Variants in MTA3 observed in about 807,000 individuals in gnomAD.
MTA3 encodes the protein metastasis-associated protein MTA3.
In MTA3, 34 loss-of-function variants were observed where a neutral mutation model predicts 83.5. The ratio of observed to expected loss-of-function variants is 0.41; its 90% confidence interval spans 0.31 to 0.54. MTA3 has a LOEUF of 0.54. Among genes scored for constraint, MTA3 ranks in the 20% least tolerant of loss-of-function variants. The pLI, the probability that MTA3 is intolerant of heterozygous loss-of-function variation, is 0.33. For synonymous variants in MTA3, 303 were observed against 252.7 expected, an observed-to-expected ratio of 1.20 and a Z score of -1.89; for missense variants, 761 against 726.4, an observed-to-expected ratio of 1.05 and a Z score of -0.55.
chr2:42,557,411 C>A (rs1474541341), intron 2 of MTA3, among the ~76,000 whole-genome samples: 1 of 152,070 alleles, frequency 6.6e-6, no homozygotes, highest in Non-Finnish European at 1.5e-5. Flanking sequence ...TACATTATGT[C>A]TCCTCTTACA....
At chr2:42,494,887 G>C (rs1007135133) in exon 1 of MTA3, 1 of 152,272 alleles carries the variant, frequency 6.6e-6, no homozygotes, top group African/African-American at 2.4e-5. Flanking sequence ...GATCTACCCC[G>C]CGCTCTTGTC....
At chr2:42,567,021 G>C (rs1359395805), upstream of MTA3, among the ~76,000 whole-genome samples, 1 of 152,184 alleles carries the variant, frequency 6.6e-6, no homozygotes, top group Non-Finnish European at 1.5e-5. Context: ...AATGTTGAAT[G>C]ACAGCTATGC....
At chr2:42,644,903 T>G (rs1401545544) in intron 6 of MTA3, among the ~76,000 whole-genome samples, 1 of 152,092 alleles carries the variant, frequency 6.6e-6, no homozygotes, top group African/African-American at 2.4e-5. Context: ...TCTCCCTATT[T>G]TATGAGACAC....
intron 3 of MTA3, among the ~76,000 whole-genome samples, chr2:42,580,786 G>A (rs1257316216): frequency 6.6e-6 from 1 of 152,150 alleles, no homozygotes; most frequent in African/African-American, 2.4e-5. Flanking sequence ...AGTAGAGACA[G>A]GGTTTCACCA....
intron 4 of MTA3, among the ~76,000 whole-genome samples, chr2:42,614,380 A>G (rs1454868716): frequency 6.6e-6 from 1 of 152,226 alleles, no homozygotes; most frequent in Non-Finnish European, 1.5e-5. Flanking sequence ...TACAGGCGTG[A>G]GCCACTGCGC....
chr2:42,540,307 A>T (rs1414742284), intron 2 of MTA3, among the ~76,000 whole-genome samples: 1 of 150,560 alleles, frequency 6.6e-6, no homozygotes, highest in African/African-American at 2.4e-5. Context: ...CTGAGTAGGT[A>T]GAACTACAGG....
chr2:42,497,979 C>T (rs1054704963), intron 2 of MTA3, among the ~76,000 whole-genome samples: 1 of 152,184 alleles, frequency 6.6e-6, no homozygotes, highest in Non-Finnish European at 1.5e-5. Flanking sequence ...GACCCTTTTA[C>T]TGCTGACTCT....
chr2:42,524,615 C>T (rs181245281), intron 2 of MTA3, among the ~76,000 whole-genome samples: 10 of 151,560 alleles, frequency 6.6e-5, no homozygotes, highest in East Asian at 5.8e-4. Context: ...TGAGCCACCG[C>T]GCCCCGCCAG....
At chr2:42,690,721 C>T (rs1424771490) in intron 9 of MTA3, among the ~76,000 whole-genome samples, 1 of 144,514 alleles carries the variant, frequency 6.9e-6, no homozygotes, top group Non-Finnish European at 1.5e-5. Context: ...TATCACCAGG[C>T]TGGAGTGCAG....
At position 42,541,173 on chromosome 2, in the gene MTA3, A is replaced by G. The variant is rs1166208130; in HGVS notation, c.-140-29264A>G. 4.6e-5 allele frequency among the ~76,000 whole-genome samples: 7 copies of G among 152,096 alleles called. No individual in the cohort carries two copies. The East Asian group carries it at 1.2e-3, about 25-fold the overall frequency. ...CAGCCTTTCTAGTAGCTGGGATTAC[A>G]GGCATGCACCACCATGCCCGGCTAA... On this transcript the variant is annotated intron_variant, in intron 2 of 17. Coordinates refer to the MTA3 transcript ENST00000405592.
intron 4 of MTA3, among the ~76,000 whole-genome samples, chr2:42,613,319 T>C (rs1558500660): frequency 6.6e-6 from 1 of 152,196 alleles, no homozygotes; most frequent in African/African-American, 2.4e-5. Flanking sequence ...ACATAGACAT[T>C]TGGGGCTTTT....
At chr2:42,672,995 C>T (rs573885743) in intron 8 of MTA3, among the ~76,000 whole-genome samples, 37 of 151,764 alleles carry the variant, frequency 2.4e-4, no homozygotes, top group South Asian at 4.2e-4. Context: ...TACAGGTGCG[C>T]GCCATCATGT....
intron 2 of MTA3, among the ~76,000 whole-genome samples, chr2:42,515,782 G>C (rs942462052): frequency 9.3e-5 from 14 of 151,180 alleles, no homozygotes; most frequent in African/African-American, 3.4e-4. Context: ...TTACAGGCGT[G>C]AACCACCGTG....
Position 42,697,942 on chromosome 2 carries a change from C to T in MTA3, c.1025+108C>T, listed in dbSNP as rs906619480. ...AAAATTTGAACTTTTGTGTATCTTT[C>T]TTCTTCTACAAAGCATGAGACTTAC... On this transcript the variant is annotated intron_variant, in intron 11 of 16. Transcript: ENST00000405094. The T allele has an allele frequency of 4.6e-5, 20 of 434,396 alleles. No homozygotes were observed. The South Asian group carries it at 8.9e-4, about 19-fold the overall frequency. 26.9% of individuals were successfully genotyped at this position (434,396 alleles called of 1,614,324 possible). A position where few individuals can be genotyped will look rare whatever the true frequency, so the allele number is the denominator to read the frequency against.
In MTA3 at chr2:42,756,140, C is replaced by A; in HGVS notation, c.*2741C>A. 2.0e-6 allele frequency: 1 copy of A among 500,858 alleles called. No homozygotes were observed. The highest frequency in any genetic ancestry group is 2.6e-6 in the Non-Finnish European group (1 of 386,682). 31.0% of individuals were successfully genotyped at this position (500,858 alleles called of 1,614,324 possible). On this transcript the variant is annotated 3_prime_UTR_variant, in exon 17 of 17. Coordinates refer to ENST00000405094, the MANE Select transcript of MTA3 (RefSeq NM_001330442.2). ...ACCCAGAGGTGGGGAACAACAACAG[C>A]AAGCCGCCCCCATCCTGAGACTGGC... is the stretch of plus-strand genomic sequence containing the variant.
intron 11 of MTA3, chr2:42,698,603 G>A (rs1693595001): frequency 6.6e-6 from 1 of 152,066 alleles, no homozygotes; most frequent in African/African-American, 2.4e-5. Context: ...TTTCTTTTAG[G>A]ATTAAAATGA....
intron 8 of MTA3, among the ~76,000 whole-genome samples, chr2:42,663,189 C>T (rs1368796091): frequency 6.6e-6 from 1 of 152,106 alleles, no homozygotes; most frequent in East Asian, 1.9e-4. Flanking sequence ...GGGATGTGGT[C>T]CCTGCTTGAG....
At chr2:42,676,869 A>G (rs1691409384) in intron 8 of MTA3, among the ~76,000 whole-genome samples, 1 of 152,242 alleles carries the variant, frequency 6.6e-6, no homozygotes, top group Non-Finnish European at 1.5e-5. Context: ...AAGGTTTAAA[A>G]AATAATTGTT....
intron 8 of MTA3, among the ~76,000 whole-genome samples, chr2:42,663,350 G>A (rs1689914858): frequency 6.6e-6 from 1 of 152,208 alleles, no homozygotes; most frequent in Admixed American, 6.5e-5. Flanking sequence ...CAGGACAGCA[G>A]GTGAATTTCT....
Sources: gnomAD v4.1 joint callset for allele counts (sites outside exome capture counted in the v4.1 genomes callset) on GRCh38, gnomAD v4.1.1 for gene constraint, MANE v1.5 for transcripts, NCBI Gene and HGNC (gene_info 2026-07-23, HGNC 2026-07-21) for gene names.